CPLX2: variants seen among roughly 807,000 people sequenced by gnomAD.
The protein encoded by CPLX2 is complexin-2.
Under a neutral mutation model 16.3 loss-of-function variants are expected in CPLX2, and 5 were observed. That is an observed-to-expected ratio of 0.31 (90% CI 0.16 to 0.64). The LOEUF (loss-of-function observed/expected upper bound fraction) is 0.64, where lower values mean the gene tolerates loss of function less well. CPLX2 is among the 30% of genes least tolerant of loss of function. The pLI, the probability that CPLX2 is intolerant of heterozygous loss-of-function variation, is 0.79. For synonymous variants in CPLX2, 89 were observed against 73.2 expected, an observed-to-expected ratio of 1.22 and a Z score of -1.10; for missense variants, 144 against 181.4, an observed-to-expected ratio of 0.79 and a Z score of 1.18.
intron 1 of CPLX2, among the ~76,000 whole-genome samples, chr5:175,804,690 G>A (rs1758162550): frequency 6.6e-6 from 1 of 152,178 alleles, no homozygotes; most frequent in Non-Finnish European, 1.5e-5. Flanking sequence ...ATCAGAACCT[G>A]TGTTTTAACA....
upstream of CPLX2, chr5:175,871,461 G>GAA (rs1255850455): frequency 1.2e-3 from 177 of 146,798 alleles, 2 homozygotes; most frequent in African/African-American, 3.7e-3. Flanking sequence ...GAGAGAGAGA[G>GAA]AGAGAGAGAG....
chr5:175,801,591 T>C (rs1414266880), intron 1 of CPLX2, among the ~76,000 whole-genome samples: 2 of 152,190 alleles, frequency 1.3e-5, no homozygotes, highest in Non-Finnish European at 2.9e-5. Flanking sequence ...GGCAAGTTGT[T>C]TACCCTTGTG....
intron 2 of CPLX2, among the ~76,000 whole-genome samples, chr5:175,864,624 G>C (rs1759432310): frequency 6.6e-6 from 1 of 152,294 alleles, no homozygotes; most frequent in South Asian, 2.1e-4. Context: ...CTCTCACTGT[G>C]GAACGAAGTG....
chr5:175,870,310 T>TG (rs978322076), upstream of CPLX2, among the ~76,000 whole-genome samples: 52 of 152,028 alleles, frequency 3.4e-4, 1 homozygote, highest in Non-Finnish European at 4.4e-5. Context: ...CTCTGACTGG[T>TG]GGGGGGGTCT....
chr5:175,827,302 C>G (rs2113652985), intron 2 of CPLX2, among the ~76,000 whole-genome samples: 1 of 152,322 alleles, frequency 6.6e-6, no homozygotes, highest in South Asian at 2.1e-4. Context: ...GCAGCTTCCC[C>G]AGAGGAAATG....
intron 2 of CPLX2, among the ~76,000 whole-genome samples, chr5:175,810,233 A>C (rs569431085): frequency 6.6e-6 from 1 of 152,282 alleles, no homozygotes; most frequent in Admixed American, 6.5e-5. Context: ...CATCTTGTCC[A>C]ATTCCTTCAT....
rs79767398 is a variant in CPLX2, at chr5:175,880,920, C to A, written c.*875C>A. 878 of 152,896 alleles carry A rather than the reference C, an allele frequency of 5.7e-3. 5 individuals are homozygous for A. Among genetic ancestry groups the A allele is most frequent in the African/African-American group, 0.015 (619 of 41,566 alleles). 9.5% of individuals were successfully genotyped at this position (152,896 alleles called of 1,614,324 possible). ...GCCAAGCTGCCCCCATTCCTATCCA[C>A]CCCTCTCCCCACCCCGTCCTGTCCA... On this transcript the variant is annotated 3_prime_UTR_variant, in exon 4 of 4. Transcript: ENST00000393745.
chr5:175,864,860 A>T (rs1343519984), intron 2 of CPLX2, among the ~76,000 whole-genome samples: 1 of 152,116 alleles, frequency 6.6e-6, no homozygotes, highest in Admixed American at 6.5e-5. Context: ...AGTTATACCT[A>T]AAAAAGAATA....
chr5:175,860,550 A>G (rs1402171886), intron 2 of CPLX2, among the ~76,000 whole-genome samples: 3 of 118,382 alleles, frequency 2.5e-5, no homozygotes, highest in South Asian at 3.0e-4. Context: ...GATAGATAGA[A>G]AGAAAGAAAG....
At chr5:175,864,382 C>G (rs1161064477) in intron 2 of CPLX2, among the ~76,000 whole-genome samples, 1 of 152,220 alleles carries the variant, frequency 6.6e-6, no homozygotes, top group African/African-American at 2.4e-5. Flanking sequence ...TGCCCCTTCC[C>G]TGCTTTGAGC....
chr5:175,857,187 C>T (rs1759274469), intron 2 of CPLX2, among the ~76,000 whole-genome samples: 1 of 152,192 alleles, frequency 6.6e-6, no homozygotes, highest in African/African-American at 2.4e-5. Flanking sequence ...TGGGAACAAG[C>T]CAAGCTCACT....
intron 2 of CPLX2, chr5:175,861,597 T>C (rs1759372645): frequency 6.6e-6 from 1 of 152,258 alleles, no homozygotes; most frequent in Non-Finnish European, 1.5e-5. Context: ...GCAATAGGCC[T>C]AGAAGGGAGA....
At chr5:175,807,862 A>T (rs1344820884) in intron 1 of CPLX2, among the ~76,000 whole-genome samples, 1 of 152,196 alleles carries the variant, frequency 6.6e-6, no homozygotes, top group Non-Finnish European at 1.5e-5. Flanking sequence ...CGGTGCCTGG[A>T]GTGGGCTGAT....
intron 1 of CPLX2, among the ~76,000 whole-genome samples, chr5:175,801,564 G>C (rs1758097332): frequency 6.6e-6 from 1 of 152,230 alleles, no homozygotes; most frequent in South Asian, 2.1e-4. Context: ...CTGCCATTGA[G>C]AAGCTGTGTG....
chr5:175,868,670 C>T (rs1759522902), upstream of CPLX2, among the ~76,000 whole-genome samples: 1 of 151,772 alleles, frequency 6.6e-6, no homozygotes, highest in African/African-American at 2.4e-5. Flanking sequence ...CATGAGGACC[C>T]CGATCTGGGT....
rs10064485 is a variant in CPLX2, at chr5:175,883,192, A to T, written c.*3147A>T. 6.6e-6 allele frequency: 1 copy of T among 152,132 alleles called. No individual in the cohort carries two copies. The highest frequency in any genetic ancestry group is 1.5e-5 in the Non-Finnish European group (1 of 68,040). 9.4% of individuals were successfully genotyped at this position (152,132 alleles called of 1,614,324 possible). A position where few individuals can be genotyped will look rare whatever the true frequency, so the allele number is the denominator to read the frequency against. On this transcript the variant is annotated 3_prime_UTR_variant, in exon 4 of 4. Coordinates refer to ENST00000393745, the MANE Select transcript of CPLX2 (RefSeq NM_001008220.2). ...GTGTGCTCTCAGGGAAGGGCCCAGG[A>T]TCCCATGCCTGGGAGGAGCTGCCAG...
At chr5:175,824,021 C>A (rs560443286) in intron 2 of CPLX2, among the ~76,000 whole-genome samples, 1 of 152,236 alleles carries the variant, frequency 6.6e-6, no homozygotes, top group Non-Finnish European at 1.5e-5. Flanking sequence ...TTAAAGGGAC[C>A]GATCCTCCTG....
At chr5:175,803,147 A>G (rs1294112295) in intron 1 of CPLX2, among the ~76,000 whole-genome samples, 1 of 152,156 alleles carries the variant, frequency 6.6e-6, no homozygotes, top group Non-Finnish European at 1.5e-5. Flanking sequence ...TGTGCTTTCA[A>G]TTGTGACAAT....
chr5:175,843,496 C>T (rs1309899903), intron 2 of CPLX2, among the ~76,000 whole-genome samples: 1 of 152,234 alleles, frequency 6.6e-6, no homozygotes, highest in Non-Finnish European at 1.5e-5. Flanking sequence ...CAGTCACGCA[C>T]ACACATACTC....
Sources: gnomAD v4.1 joint callset for allele counts (sites outside exome capture counted in the v4.1 genomes callset) on GRCh38, gnomAD v4.1.1 for gene constraint, MANE v1.5 for transcripts, NCBI Gene and HGNC (gene_info 2026-07-23, HGNC 2026-07-21) for gene names.